The following ARHGEF4 variants were observed in gnomAD, a reference collection of about 807,000 sequenced individuals.
ARHGEF4 encodes the protein Rho guanine nucleotide exchange factor 4, also known as APC-stimulated guanine nucleotide exchange factor 1.
Under a neutral mutation model 162.0 loss-of-function variants are expected in ARHGEF4, and 119 were observed. The ratio of observed to expected loss-of-function variants is 0.73; its 90% CI spans 0.63 to 0.86. ARHGEF4 has a LOEUF of 0.86. ARHGEF4 is among the 40% of genes least tolerant of loss of function. ARHGEF4 has a pLI of 0.00. For synonymous variants in ARHGEF4, 1,014 were observed against 979.9 expected (o/e 1.03, Z -0.65); for missense variants, 2,488 against 2,456.0 (o/e 1.01, Z -0.28).
chr2:130,951,624 C>A (rs1041388119), intron 4 of ARHGEF4, among the ~76,000 whole-genome samples: 1 of 151,998 alleles, frequency 6.6e-6, no homozygotes, highest in Non-Finnish European at 1.5e-5. Context: ...TTACTGTTTT[C>A]TTTTTCACTG....
intron 3 of ARHGEF4, among the ~76,000 whole-genome samples, chr2:130,943,523 T>G (rs1004787639): frequency 1.4e-4 from 22 of 152,170 alleles, no homozygotes; most frequent in African/African-American, 5.1e-4. Context: ...TTGCTCTGTT[T>G]CCTTTTGGAT....
Position 130,891,167 on chromosome 2 carries a change from G to T in ARHGEF4, c.40-22819G>T, listed in dbSNP as rs147546805. On this transcript the variant is annotated intron_variant, in intron 1 of 13. Transcript: ENST00000409359. ...CTGACTCACTGTGAGCTCCTCGAGG[G>T]CAGGGGCTGTCTCTGATACATCCCT... is the stretch of plus-strand genomic sequence containing the variant. Among the ~76,000 whole-genome samples, 556 of 152,302 alleles carry T rather than the reference G, an allele frequency of 3.7e-3. 4 individuals carry two copies. Among genetic ancestry groups the T allele is most frequent in the African/African-American group, 0.013 (531 of 41,564 alleles).
rs1558910448 is a variant in ARHGEF4 at position 131,046,519 on chromosome 2, G to A, written c.*330G>A. On this transcript the variant is annotated 3_prime_UTR_variant, in exon 14 of 14. Transcript: ENST00000409359. Reference sequence around the variant, plus strand: ...TCAGCCCAGGCCCAGCTGGGGAGAAGGCGCTACCTGCGTGGGACCCTCTTC... The same window carrying A: ...TCAGCCCAGGCCCAGCTGGGGAGAAAGCGCTACCTGCGTGGGACCCTCTTC... The A allele has an allele frequency of 3.6e-6, 1 of 274,162 alleles. No homozygotes were observed. Among genetic ancestry groups the A allele is most frequent in the East Asian group, 7.1e-5 (1 of 14,148 alleles). The allele number at this position is 274,162 out of a possible 1,614,324, so 17.0% of individuals were successfully genotyped here.
chr2:130,986,569 G>A (rs975119450), intron 4 of ARHGEF4, among the ~76,000 whole-genome samples: 4 of 152,202 alleles, frequency 2.6e-5, no homozygotes, highest in Admixed American at 6.5e-5. Flanking sequence ...AGGGATCTGC[G>A]CCGCCTGGTG....
At position 130,922,783 on chromosome 2, in the gene ARHGEF4, G is replaced by A. The variant is rs1403129138; in HGVS notation, c.3552+5285G>A. ...TCAGATTTTTTTTTTTCACTCTCTT[G>A]TGGGACATGTCTCTCCTAGTCTGTC... On this transcript the variant is annotated intron_variant, in intron 2 of 13. Transcript: ENST00000409359. Among the ~76,000 whole-genome samples, 3 of 150,396 alleles carry A rather than the reference G, an allele frequency of 2.0e-5. No homozygotes were observed. The East Asian group carries it at 5.9e-4, about 30-fold the overall frequency.
intron 1 of ARHGEF4, among the ~76,000 whole-genome samples, chr2:130,880,132 G>C (rs1171026133): frequency 6.6e-6 from 1 of 152,188 alleles, no homozygotes; most frequent in African/African-American, 2.4e-5. Flanking sequence ...TGGGAAGCCT[G>C]AGACTTACTG....
chr2:131,016,146 T>C (rs1688763687), intron 4 of ARHGEF4, among the ~76,000 whole-genome samples: 2 of 152,044 alleles, frequency 1.3e-5, no homozygotes, highest in Non-Finnish European at 2.9e-5. Context: ...CCTGGAACAC[T>C]CTTCACCCCC....
At chr2:130,937,669 ATT>A (rs34020875) in intron 3 of ARHGEF4, among the ~76,000 whole-genome samples, 23 of 140,886 alleles carry the variant, frequency 1.6e-4, no homozygotes, top group African/African-American at 4.4e-4. Flanking sequence ...TTGTATCATA[ATT>A]TTTTTTTTTT....
chr2:130,957,467 A>C (rs778714977), intron 4 of ARHGEF4, among the ~76,000 whole-genome samples: 24 of 152,208 alleles, frequency 1.6e-4, no homozygotes, highest in Non-Finnish European at 5.9e-5. Flanking sequence ...TAAAGTGAGA[A>C]TCGGGATTAA....
chr2:130,987,457 AGG>A (rs1686596008), intron 4 of ARHGEF4, among the ~76,000 whole-genome samples: 1 of 152,240 alleles, frequency 6.6e-6, no homozygotes. Flanking sequence ...AGCATGGAAC[AGG>A]ACCCAAGGGG....
intron 4 of ARHGEF4, among the ~76,000 whole-genome samples, chr2:131,017,180 C>T (rs546003636): frequency 1.1e-4 from 17 of 152,304 alleles, no homozygotes; most frequent in Non-Finnish European, 2.2e-4. Flanking sequence ...CATCCTTTAA[C>T]GCTTTCCTAT....
At chr2:131,045,346 C>T (rs564228568) in intron 12 of ARHGEF4, 23 bp from the exon 13 acceptor site, 7 of 1,606,440 alleles carry the variant, frequency 4.4e-6, no homozygotes, top group East Asian at 2.2e-5. Context: ...GGGGCAGCGC[C>T]CTCACCTGTG....
At chr2:130,991,560 C>A (rs1040036828) in intron 4 of ARHGEF4, among the ~76,000 whole-genome samples, 5 of 152,236 alleles carry the variant, frequency 3.3e-5, no homozygotes, top group Admixed American at 6.5e-5. Flanking sequence ...GCCCTGCCGG[C>A]CCCGGGCAAT....
intron 4 of ARHGEF4, among the ~76,000 whole-genome samples, chr2:130,953,929 A>G (rs1188151496): frequency 1.3e-5 from 2 of 152,252 alleles, no homozygotes; most frequent in Non-Finnish European, 2.9e-5. Flanking sequence ...ATGTGGAGAA[A>G]TAGGAATGCT....
At chr2:130,950,473 CT>C (rs1469833588) in intron 4 of ARHGEF4, among the ~76,000 whole-genome samples, 1 of 152,208 alleles carries the variant, frequency 6.6e-6, no homozygotes, top group African/African-American at 2.4e-5. Context: ...TAGGTCACCT[CT>C]TTCTTCAAAC....
At chr2:131,020,088 G>A (rs1026241027) in intron 4 of ARHGEF4, among the ~76,000 whole-genome samples, 46 of 152,090 alleles carry the variant, frequency 3.0e-4, no homozygotes, top group African/African-American at 9.9e-4. Flanking sequence ...TAATTTTATT[G>A]TGGATTCTTT....
chr2:130,964,190 GC>G, intron 4 of ARHGEF4: 1 of 985,290 alleles, frequency 1.0e-6, no homozygotes, highest in Non-Finnish European at 1.2e-6. Flanking sequence ...GGCAACGGGG[GC>G]ATGCGCGGCG....
At chr2:130,944,952 C>T (rs1349741517) in intron 3 of ARHGEF4, among the ~76,000 whole-genome samples, 1 of 152,112 alleles carries the variant, frequency 6.6e-6, no homozygotes, top group Non-Finnish European at 1.5e-5. Flanking sequence ...CTCTTACTGG[C>T]CTTCAGGGGC....
At chr2:131,013,774 T>A (rs912292137) in intron 4 of ARHGEF4, among the ~76,000 whole-genome samples, 1 of 152,200 alleles carries the variant, frequency 6.6e-6, no homozygotes, top group African/African-American at 2.4e-5. Context: ...CTAATTTTTG[T>A]ATTTTTAGTA....
Sources: gnomAD v4.1 joint callset for allele counts (sites outside exome capture counted in the v4.1 genomes callset) on GRCh38, gnomAD v4.1.1 for gene constraint, MANE v1.5 for transcripts, NCBI Gene and HGNC (gene_info 2026-07-23, HGNC 2026-07-21) for gene names.